The following POLR2F variants were observed in gnomAD, a reference collection of about 807,000 sequenced individuals.
POLR2F encodes the protein DNA-directed RNA polymerases I, II, and III subunit RPABC2.
Under a neutral mutation model 22.7 loss-of-function variants are expected in POLR2F, and 12 were observed. The ratio of observed to expected loss-of-function variants is 0.53; its 90% confidence interval spans 0.34 to 0.86. POLR2F has a LOEUF of 0.86. Ranked by LOEUF, POLR2F falls within the 40% of genes least tolerant of loss-of-function variation. POLR2F has a pLI of 0.02. For synonymous variants in POLR2F, 57 were observed against 66.0 expected, an observed-to-expected ratio of 0.86 and a Z score of 0.66; for missense variants, 126 against 171.5, an observed-to-expected ratio of 0.73 and a Z score of 1.48.
At chr22:38,009,203 GTCCCTGTGGCGACATGGGCTCGT>G (rs2084850728) in intron 1 of POLR2F, among the ~76,000 whole-genome samples, 2 of 152,246 alleles carry the variant, frequency 1.3e-5, no homozygotes. Flanking sequence ...CCACCAGATG[GTCCCTGTGGCGACATGGGCTCGT>G]ACTCCAAGGG....
chr22:38,023,839 ATTTTTTTT>A (rs56162997), intron 1 of POLR2F, among the ~76,000 whole-genome samples: 2 of 115,406 alleles, frequency 1.7e-5, no homozygotes, highest in South Asian at 3.0e-4. Context: ...CGCCTGGCTA[ATTTTTTTT>A]TTTTTTTTTT....
chr22:37,986,028 T>G, upstream of POLR2F: 5 of 731,806 alleles, frequency 6.8e-6, no homozygotes, highest in Non-Finnish European at 8.5e-6. The surrounding 1 kb of genome is among the most constrained non-coding windows in gnomAD (Gnocchi z 4.7). Flanking sequence ...TCCCCCCGCC[T>G]CCCTTCTCTT....
rs10624395 is a variant in POLR2F at position 38,037,439 on chromosome 22, A to ATTTTTTTTT, written c.453-3621_453-3613dup. On this transcript the variant is annotated intron_variant, in intron 5 of 5. Transcript: ENST00000407936. ...CAGGTGCACACCACCATGCTCGGCT[A>ATTTTTTTTT]TTTTTTTTTTTTTTTTGTAGAGATG... 5.0e-3 allele frequency among the ~76,000 whole-genome samples: 625 copies of ATTTTTTTTT among 124,160 alleles called. 23 individuals are homozygous for ATTTTTTTTT. The highest frequency in any genetic ancestry group is 0.019 in the African/African-American group (588 of 30,956). The allele number at this position is 124,160 out of a possible 152,430, so 81.5% of individuals were successfully genotyped here.
downstream of POLR2F, among the ~76,000 whole-genome samples, chr22:38,029,768 G>A (rs1304110369): frequency 2.0e-5 from 3 of 152,202 alleles, no homozygotes; most frequent in Non-Finnish European, 4.4e-5. Context: ...TCTCTGTCCT[G>A]AGGCAGAGGA....
chr22:37,994,154 T>C (rs920534744), intron 1 of POLR2F, among the ~76,000 whole-genome samples: 1 of 152,178 alleles, frequency 6.6e-6, no homozygotes, highest in South Asian at 2.1e-4. Flanking sequence ...CTCTTCCCTT[T>C]CTAGGGTGCA....
chr22:37,976,107 C>T lies in POLR2F; in HGVS notation c.293+8937C>T, dbSNP rs368168471. On this transcript the variant is annotated intron_variant, in intron 4 of 4. Transcript: ENST00000405557. Reference sequence around the variant, plus strand: ...GTGTGGTGGCGTGCATCTGTAATCCCAGCTACTTAGGAGGCTGAGGCACAA... The same window carrying T: ...GTGTGGTGGCGTGCATCTGTAATCCTAGCTACTTAGGAGGCTGAGGCACAA... Among the ~76,000 whole-genome samples, 11 of 152,236 alleles carry T rather than the reference C, an allele frequency of 7.2e-5. No individual in the cohort carries two copies. In the East Asian group the frequency reaches 9.6e-4, roughly 13 times the overall value.
At chr22:37,962,638 T>G (rs147706873) in intron 3 of POLR2F, among the ~76,000 whole-genome samples, 1 of 152,332 alleles carries the variant, frequency 6.6e-6, no homozygotes, top group Non-Finnish European at 1.5e-5. Flanking sequence ...TAAATAAAAT[T>G]AGAAATTCAG....
intron 1 of POLR2F, among the ~76,000 whole-genome samples, chr22:38,002,648 C>A (rs531835555): frequency 6.7e-4 from 102 of 152,126 alleles, no homozygotes; most frequent in African/African-American, 2.4e-3. Flanking sequence ...AAGGGCTTCC[C>A]GGTGGAGGTG....
intron 1 of POLR2F, among the ~76,000 whole-genome samples, chr22:38,004,176 T>C (rs2084799924): frequency 2.9e-5 from 2 of 68,704 alleles, no homozygotes; most frequent in Non-Finnish European, 5.4e-5. Context: ...TTTGTAGAGA[T>C]GTGGGGGGGG....
intron 5 of POLR2F, among the ~76,000 whole-genome samples, chr22:38,039,204 G>A (rs973542280): frequency 1.8e-4 from 27 of 152,240 alleles, no homozygotes; most frequent in African/African-American, 6.3e-4. Flanking sequence ...CCCGTGGGAA[G>A]CACCAGATGG....
At chr22:37,992,177 G>A (rs1932740523) in intron 1 of POLR2F, among the ~76,000 whole-genome samples, 1 of 152,140 alleles carries the variant, frequency 6.6e-6, no homozygotes, top group Non-Finnish European at 1.5e-5. Context: ...TTTATTAGCT[G>A]TGTGTCCTTG....
chr22:38,041,911 A>G (rs569078807), downstream of POLR2F: 1 of 152,376 alleles, frequency 6.6e-6, no homozygotes, highest in East Asian at 1.9e-4. Flanking sequence ...GTTATCAAAA[A>G]GCAAGAGAGA....
Position 38,009,396 on chromosome 22 carries a change from C to T in POLR2F, c.121-16473C>T, listed in dbSNP as rs142065971. 3.6e-3 allele frequency among the ~76,000 whole-genome samples: 553 copies of T among 152,242 alleles called. 3 individuals are homozygous for T. Among genetic ancestry groups the T allele is most frequent in the African/African-American group, 0.013 (522 of 41,540 alleles). On this transcript the variant is annotated intron_variant, in intron 1 of 2. Transcript: ENST00000333418. ...AGGTATTTCAGAGGAGAGGCAATGG[C>T]GGGGGCCAGGGAGCTGGGGGTGGCC...
In POLR2F at chr22:37,968,795, G is replaced by A. The variant is rs538386856; in HGVS notation, c.*1080G>A. The A allele has an allele frequency of 8.1e-6, 8 of 985,548 alleles. No homozygotes were observed. The East Asian group carries it at 3.4e-4, about 42-fold the overall frequency. The allele number at this position is 985,548 out of a possible 1,614,324, so 61.1% of individuals were successfully genotyped here. A position where few individuals can be genotyped will look rare whatever the true frequency, so the allele number is the denominator to read the frequency against. ...TTCCCTAACCTCTGCAGGAGGCAGG[G>A]CCTCCAGGCCTAGGTGCAGCCTGGC... On this transcript the variant is annotated 3_prime_UTR_variant, in exon 5 of 5. Transcript: ENST00000442738.
At chr22:38,028,601 T>C (rs1351804530), downstream of POLR2F, among the ~76,000 whole-genome samples, 1 of 152,094 alleles carries the variant, frequency 6.6e-6, no homozygotes, top group Non-Finnish European at 1.5e-5. Context: ...TGTGTGCCTA[T>C]GTGTATGCAC....
At chr22:38,023,967 G>A (rs1431547015) in intron 1 of POLR2F, among the ~76,000 whole-genome samples, 1 of 150,558 alleles carries the variant, frequency 6.6e-6, no homozygotes, top group Non-Finnish European at 1.5e-5. Context: ...TCAGCCTCCC[G>A]AGTAGCTGGA....
At chr22:37,959,324 T>C in intron 2 of POLR2F, 22 bp from the exon 3 acceptor site, 1 of 1,611,286 alleles carries the variant, frequency 6.2e-7, no homozygotes, top group Non-Finnish European at 8.5e-7. Flanking sequence ...AGTCTTTCCC[T>C]CTTTTTTGTC....
At chr22:37,971,148 T>C, downstream of POLR2F, 1 of 446,538 alleles carries the variant, frequency 2.2e-6, no homozygotes, top group Non-Finnish European at 4.7e-6. Context: ...GAAGATGCAT[T>C]GCTCCAGATA....
intron 1 of POLR2F, chr22:37,987,237 C>A (rs867201429): frequency 3.5e-5 from 16 of 456,586 alleles, no homozygotes; most frequent in African/African-American, 3.2e-4. Flanking sequence ...CCAAGGAGGC[C>A]TTTCCGGAGC....
Sources: allele counts gnomAD v4.1 joint callset (sites outside exome capture counted in the v4.1 genomes callset), GRCh38; gene constraint gnomAD v4.1.1; non-coding constraint Gnocchi (gnomAD v3.1); transcripts MANE v1.5; gene names NCBI Gene and HGNC (gene_info 2026-07-23, HGNC 2026-07-21).